The following CKAP5 variants were observed in gnomAD, a reference collection of about 807,000 sequenced individuals.
CKAP5 encodes cytoskeleton-associated protein 5.
CKAP5 carries 27 observed loss-of-function variants against 232.8 expected under a neutral mutation model. The observed-to-expected ratio is 0.12, with a 90% CI of 0.09 to 0.16. The LOEUF is 0.16. Among genes scored for constraint, CKAP5 ranks in the 10% least tolerant of loss-of-function variants. CKAP5 has a pLI of 1.00. For synonymous variants in CKAP5, 785 were observed against 841.1 expected, an observed-to-expected ratio of 0.93 and a Z score of 1.16; for missense variants, 1,838 against 2,424.7, an observed-to-expected ratio of 0.76 and a Z score of 5.08.
rs1228353431 is a variant in CKAP5, at chr11:46,763,135, A to G, written c.3732T>C (p.Leu1244=). The G allele has an allele frequency of 1.2e-6, 2 of 1,613,804 alleles. No homozygotes were observed. Among genetic ancestry groups the G allele is most frequent in the African/African-American group, 1.3e-5 (1 of 74,910 alleles). ...ACCTCAGGGTAAGCCACTTTAAGATAAGATCCAGGCAACCAATAACTCCTT... is the reference window on the plus strand; with the variant it reads ...ACCTCAGGGTAAGCCACTTTAAGATGAGATCCAGGCAACCAATAACTCCTT... ...EKEGVIGCLD[L]ILKWLTLRFF... The change falls in exon 30 of 44, where the codon CTT becomes CTC. Residue 1244 remains leucine, a synonymous_variant. Transcript: ENST00000529230.
At chr11:46,791,760 G>A (rs555200880) in intron 13 of CKAP5, among the ~76,000 whole-genome samples, 2 of 152,262 alleles carry the variant, frequency 1.3e-5, no homozygotes, top group South Asian at 2.1e-4. Context: ...TCACAAGAAA[G>A]TAGTATATTA....
intron 9 of CKAP5, 63 bp downstream of exon 9, chr11:46,801,137 A>C: frequency 8.4e-7 from 1 of 1,189,176 alleles, no homozygotes; most frequent in Non-Finnish European, 1.3e-6. Flanking sequence ...AGCAAACAGC[A>C]AACTAGGCCT....
In CKAP5 at chr11:46,744,510, G is replaced by A. The variant is rs778813661; in HGVS notation, c.5772C>T (p.Asn1924=). 1 of 1,614,112 alleles carries A rather than the reference G, an allele frequency of 6.2e-7. No homozygotes were observed. The highest frequency in any genetic ancestry group is 8.5e-7 in the Non-Finnish European group (1 of 1,180,006). ...ATGGCCCCACTTCTTCCCCATTTGT[G>A]TTACCTATGGAGGACACTGTGCTTG... The part of the protein sequence containing the change: ...TPTSTVSSIG[N]TNGEEVGPSV... The change falls in exon 43 of 44, where the codon AAC becomes AAT. Residue 1924 remains asparagine, a synonymous_variant. Coordinates refer to ENST00000529230, the MANE Select transcript of CKAP5 (RefSeq NM_001008938.4).
chr11:46,765,343 GA>G, intron 27 of CKAP5, 87 bp from the exon 28 acceptor site: 1 of 1,113,878 alleles, frequency 9.0e-7, no homozygotes, highest in African/African-American at 1.6e-5. Flanking sequence ...GGGCACTGTA[GA>G]AAACAGAGAT....
intron 16 of CKAP5, among the ~76,000 whole-genome samples, chr11:46,784,950 A>G (rs925022874): frequency 5.3e-5 from 8 of 152,320 alleles, no homozygotes; most frequent in African/African-American, 1.9e-4. Flanking sequence ...GAAAAATCTG[A>G]TTTTTAAATT....
intron 42 of CKAP5, among the ~76,000 whole-genome samples, chr11:46,749,060 G>A (rs2065043070): frequency 6.6e-6 from 1 of 151,256 alleles, no homozygotes; most frequent in Non-Finnish European, 1.5e-5. Flanking sequence ...TTGAACTCCT[G>A]ACCTCGTGAT....
intron 16 of CKAP5, among the ~76,000 whole-genome samples, chr11:46,786,320 C>T (rs1266342832): frequency 6.6e-5 from 10 of 152,194 alleles, no homozygotes; most frequent in Non-Finnish European, 1.3e-4. Context: ...GTAACCATGG[C>T]AACTATGAAA....
At chr11:46,790,870 C>T (rs1426684702) in intron 13 of CKAP5, among the ~76,000 whole-genome samples, 4 of 152,058 alleles carry the variant, frequency 2.6e-5, no homozygotes, top group Non-Finnish European at 5.9e-5. Flanking sequence ...AGGCTGGTCT[C>T]GAATTCCTGG....
rs779098501 is a variant in CKAP5, at chr11:46,816,234, A to G, written c.422T>C (p.Ile141Thr). Residue 141 changes from isoleucine to threonine, a missense_variant, in exon 4 of 44, where the codon ATA (isoleucine) becomes ACA (threonine). Physicochemically the swap from Ile to Thr is moderately conservative, Grantham distance 89. Around this residue, in one of 6 missense-constraint regions of CKAP5, gnomAD observed 285 missense variants for 300.0 expected, o/e 0.95. Coordinates refer to ENST00000529230, the MANE Select transcript of CKAP5 (RefSeq NM_001008938.4). ...CCTCAGTGTCTCTATACAGGCCACT[A>G]TGATCTTGGGATTCTTATTGTCCAA... The part of the protein sequence containing the change: ...KGLDNKNPKI[I>T]VACIETLRKA... 8 of 1,614,168 alleles carry G rather than the reference A, an allele frequency of 5.0e-6. No homozygotes were observed. The highest frequency in any genetic ancestry group is 1.6e-4 in the Middle Eastern group (1 of 6,062).
intron 1 of CKAP5, among the ~76,000 whole-genome samples, chr11:46,822,911 T>C (rs1404051897): frequency 6.6e-6 from 1 of 152,182 alleles, no homozygotes; most frequent in Non-Finnish European, 1.5e-5. Context: ...ATGTAAACCA[T>C]GTTTTTAAGT....
intron 1 of CKAP5, among the ~76,000 whole-genome samples, chr11:46,844,459 C>G (rs140703815): frequency 6.6e-6 from 1 of 152,178 alleles, no homozygotes; most frequent in South Asian, 2.1e-4. Flanking sequence ...AAAACAGGTG[C>G]TGCTAAAACT....
intron 26 of CKAP5, among the ~76,000 whole-genome samples, chr11:46,769,506 C>T (rs977920035): frequency 5.3e-5 from 8 of 151,868 alleles, no homozygotes; most frequent in Admixed American, 1.3e-4. Context: ...GACCAACCTG[C>T]GCATCACAAC....
At chr11:46,755,185 C>G (rs1020051794) in intron 35 of CKAP5, 118 bp from the exon 36 acceptor site, 32 of 682,198 alleles carry the variant, frequency 4.7e-5, no homozygotes, top group Non-Finnish European at 6.7e-5. Context: ...TAAAGTCTTA[C>G]CTTAAAAAAA....
At position 46,767,975 on chromosome 11, in the gene CKAP5, T is replaced by C. The variant is rs540729630; in HGVS notation, c.3323-312A>G. Among the ~76,000 whole-genome samples, 224 of 152,118 alleles carry C rather than the reference T, an allele frequency of 1.5e-3. 1 individual carries two copies. The highest frequency in any genetic ancestry group is 8.5e-3 in the South Asian group (41 of 4,824). ...ACCCAGCTAATTTTCTTTGTAATTT[T>C]TGTGGAGACAGGGTTTCGCCATGTT... is the stretch of plus-strand genomic sequence containing the variant. On this transcript the variant is annotated intron_variant, in intron 26 of 43. Transcript: ENST00000529230.
At chr11:46,772,733 C>CTTTTTTT (rs139098308) in intron 24 of CKAP5, among the ~76,000 whole-genome samples, 2 of 145,610 alleles carry the variant, frequency 1.4e-5, no homozygotes. Flanking sequence ...AGTGATTCCT[C>CTTTTTTT]TTTTTTTTTT....
chr11:46,770,851 G>A lies in CKAP5; in HGVS notation c.3123C>T (p.Ala1041=). ...NGDVRKKAQD[A]LPFFMMHLGY... is the part of the protein sequence containing the mutation. ...CTAAATGCATCATGAAGAATGGCAA[G>A]GCATCTTGGGCCTTCTTTCGCACAT... Residue 1041 remains alanine, a synonymous_variant, in exon 25 of 44, where the codon GCC becomes GCT. Coordinates refer to ENST00000529230, the MANE Select transcript of CKAP5 (RefSeq NM_001008938.4). The A allele has an allele frequency of 6.2e-7, 1 of 1,614,180 alleles. No homozygotes were observed. The highest frequency in any genetic ancestry group is 2.2e-5 in the East Asian group (1 of 44,890).
At chr11:46,803,123 G>T (rs994154041) in intron 8 of CKAP5, among the ~76,000 whole-genome samples, 8 of 151,846 alleles carry the variant, frequency 5.3e-5, no homozygotes, top group Non-Finnish European at 1.0e-4. Context: ...AATTAGCCAG[G>T]CATGGTGGCA....
intron 8 of CKAP5, among the ~76,000 whole-genome samples, chr11:46,805,895 C>A (rs1349354789): frequency 6.6e-6 from 1 of 152,172 alleles, no homozygotes; most frequent in Non-Finnish European, 1.5e-5. Flanking sequence ...CGAGATCGTG[C>A]CACTGCACTC....
intron 16 of CKAP5, among the ~76,000 whole-genome samples, chr11:46,787,046 T>C (rs1291508187): frequency 6.6e-6 from 1 of 152,132 alleles, no homozygotes; most frequent in African/African-American, 2.4e-5. Context: ...TGGTCCCGAC[T>C]ACTTGGGAGG....
Sources: allele counts gnomAD v4.1 joint callset (sites outside exome capture counted in the v4.1 genomes callset), GRCh38; gene constraint gnomAD v4.1.1; regional missense constraint gnomAD v4.1.1; transcripts MANE v1.5; gene names NCBI Gene and HGNC (gene_info 2026-07-23, HGNC 2026-07-21).